KHDRBS2: variants seen among roughly 807,000 people sequenced by gnomAD.
The protein encoded by KHDRBS2 is KH RNA binding domain containing, signal transduction associated 2.
Under a neutral mutation model 44.3 loss-of-function variants are expected in KHDRBS2, and 26 were observed. The observed-to-expected ratio is 0.59, with a 90% CI of 0.43 to 0.81. The LOEUF is 0.81. KHDRBS2 is among the 40% of genes least tolerant of loss of function. The pLI, the probability that KHDRBS2 is intolerant of heterozygous loss-of-function variation, is 0.00. For synonymous variants in KHDRBS2, 194 were observed against 151.1 expected, an observed-to-expected ratio of 1.28 and a Z score of -2.08; for missense variants, 476 against 433.1, an observed-to-expected ratio of 1.10 and a Z score of -0.88.
At chr6:61,812,218 C>A (rs1003960216) in intron 6 of KHDRBS2, among the ~76,000 whole-genome samples, 15 of 151,958 alleles carry the variant, frequency 9.9e-5, no homozygotes, top group South Asian at 2.1e-4. Flanking sequence ...GACAAGACAG[C>A]CTTTCAGCAC....
chr6:61,861,627 T>C (rs554766889), intron 6 of KHDRBS2, among the ~76,000 whole-genome samples: 5 of 151,804 alleles, frequency 3.3e-5, no homozygotes, highest in East Asian at 1.9e-4. Context: ...AGCCGTGTAA[T>C]ATAAATCCAG....
At chr6:61,785,191 ACAAT>A (rs927413547) in intron 6 of KHDRBS2, among the ~76,000 whole-genome samples, 3 of 151,824 alleles carry the variant, frequency 2.0e-5, no homozygotes, top group African/African-American at 4.8e-5. Context: ...AAAAAAACAG[ACAAT>A]CAAAGAAAAC....
intron 7 of KHDRBS2, among the ~76,000 whole-genome samples, chr6:61,711,390 AT>A (rs1770493530): frequency 6.6e-6 from 1 of 151,874 alleles, no homozygotes; most frequent in South Asian, 2.1e-4. Flanking sequence ...TATTCAAAAG[AT>A]AGTTCAAAAC....
At chr6:61,690,485 G>T (rs955465426) in intron 8 of KHDRBS2, among the ~76,000 whole-genome samples, 4 of 151,864 alleles carry the variant, frequency 2.6e-5, no homozygotes, top group African/African-American at 9.7e-5. Flanking sequence ...TTGTTTTATT[G>T]TTTCAACAAG....
At chr6:62,255,418 A>G (rs1837206058) in intron 1 of KHDRBS2, among the ~76,000 whole-genome samples, 1 of 152,070 alleles carries the variant, frequency 6.6e-6, no homozygotes, top group Non-Finnish European at 1.5e-5. Context: ...TAATTTCATG[A>G]GGTAGATACT....
At chr6:61,671,728 C>A in the KHDRBS2 span, among the ~76,000 whole-genome samples, 2 of 151,614 alleles carry the variant, frequency 1.3e-5, no homozygotes, top group African/African-American at 2.4e-5. Context: ...ACAGGAAATG[C>A]CTTTTAAAAA....
intron 6 of KHDRBS2, among the ~76,000 whole-genome samples, chr6:61,835,726 T>TGC (rs1792563104): frequency 6.6e-6 from 1 of 151,584 alleles, no homozygotes; most frequent in African/African-American, 2.4e-5. Context: ...TGTGTGTGTG[T>TGC]GTGTGTGTGT....
intron 6 of KHDRBS2, among the ~76,000 whole-genome samples, chr6:61,871,984 C>A (rs1332933821): frequency 6.6e-6 from 1 of 151,826 alleles, no homozygotes; most frequent in African/African-American, 2.4e-5. Context: ...AGGAGAAATA[C>A]CTAATGTAGG....
chr6:61,747,121 CAT>C (rs1378155143), intron 6 of KHDRBS2, among the ~76,000 whole-genome samples: 2 of 150,902 alleles, frequency 1.3e-5, no homozygotes, highest in African/African-American at 2.4e-5. Context: ...GGCCAACAAA[CAT>C]ATGAAAAAAA....
chr6:61,589,962 C>A, the KHDRBS2 span, among the ~76,000 whole-genome samples: 2 of 152,026 alleles, frequency 1.3e-5, no homozygotes, highest in Non-Finnish European at 2.9e-5. Context: ...AACAGTCCCC[C>A]CACAGTAACA....
rs137858787 is a variant in KHDRBS2, at chr6:62,171,731, C to T, written c.219+5454G>A. Among the ~76,000 whole-genome samples, 9 of 152,302 alleles carry T rather than the reference C, an allele frequency of 5.9e-5. No homozygotes were observed. The East Asian group carries it at 1.7e-3, about 29-fold the overall frequency. On this transcript the variant is annotated intron_variant, in intron 2 of 8. Transcript: ENST00000281156. ...CCGATCTGGCTAACAACAGTCCTAT[C>T]AGCAGTAACCCTGTAAGCCAGAAGA...
intron 1 of KHDRBS2, among the ~76,000 whole-genome samples, chr6:62,238,687 TACACACACACACACAC>T (rs5876788): frequency 2.1e-5 from 3 of 141,926 alleles, no homozygotes; most frequent in Non-Finnish European, 4.6e-5. Flanking sequence ...AAGTTTTATA[TACACACACACACACAC>T]ACACACACAC....
At chr6:61,793,029 A>G (rs1784841407) in intron 6 of KHDRBS2, among the ~76,000 whole-genome samples, 1 of 151,992 alleles carries the variant, frequency 6.6e-6, no homozygotes, top group Non-Finnish European at 1.5e-5. Flanking sequence ...CAAAGCTTCG[A>G]TGATTAATAT....
chr6:61,553,665 A>G, the KHDRBS2 span, among the ~76,000 whole-genome samples: 2 of 151,652 alleles, frequency 1.3e-5, no homozygotes, highest in South Asian at 2.1e-4. Flanking sequence ...CCCTCTTGTC[A>G]CCTTAGCTGT....
the KHDRBS2 span, among the ~76,000 whole-genome samples, chr6:61,549,474 G>A: frequency 4.1e-4 from 62 of 152,192 alleles, no homozygotes; most frequent in African/African-American, 1.5e-3. Context: ...TAAGCCCATT[G>A]CATGTTAATA....
chr6:61,812,308 C>A (rs969046721), intron 6 of KHDRBS2, among the ~76,000 whole-genome samples: 3 of 151,910 alleles, frequency 2.0e-5, no homozygotes, highest in African/African-American at 7.2e-5. Context: ...GTGTACTATA[C>A]CTCTTTAACT....
At chr6:62,023,698 A>T (rs1390510983) in intron 3 of KHDRBS2, among the ~76,000 whole-genome samples, 1 of 151,512 alleles carries the variant, frequency 6.6e-6, no homozygotes, top group Non-Finnish European at 1.5e-5. Flanking sequence ...TGGTTTTCAT[A>T]ACACTTTGCA....
the KHDRBS2 span, among the ~76,000 whole-genome samples, chr6:61,631,335 A>AAAAAAAAAAAAAG: frequency 1.1e-3 from 119 of 104,722 alleles, 21 homozygotes; most frequent in Non-Finnish European, 1.6e-3. Context: ...AAAAAAAAAA[A>AAAAAAAAAAAAAG]AAGACAATAC....
intron 2 of KHDRBS2, among the ~76,000 whole-genome samples, chr6:62,089,128 T>C (rs941847890): frequency 1.3e-5 from 2 of 152,024 alleles, no homozygotes; most frequent in Non-Finnish European, 2.9e-5. Flanking sequence ...AGCAATAATT[T>C]CATACCAGTG....
Sources: allele counts gnomAD v4.1 joint callset (sites outside exome capture counted in the v4.1 genomes callset), GRCh38; gene constraint gnomAD v4.1.1; transcripts MANE v1.5; gene names NCBI Gene and HGNC (gene_info 2026-07-23, HGNC 2026-07-21).